Variants in THSD4 observed in about 807,000 individuals in gnomAD.
THSD4 encodes the protein thrombospondin type 1 domain containing 4.
THSD4 carries 69 observed loss-of-function variants against 119.0 expected under a neutral mutation model. The observed-to-expected ratio is 0.58, with a 90% CI of 0.48 to 0.71. The LOEUF is 0.71. Among genes scored for constraint, THSD4 ranks in the 30% least tolerant of loss-of-function variants. The pLI is 0.00. For missense variants in THSD4, 1,393 were observed against 1,391.1 expected (o/e 1.00, Z -0.02); for synonymous variants, 524 against 540.4 (o/e 0.97, Z 0.42).
chr15:71,305,623 T>C (rs776311244), intron 6 of THSD4, among the ~76,000 whole-genome samples: 3 of 152,158 alleles, frequency 2.0e-5, no homozygotes, highest in Non-Finnish European at 4.4e-5. Flanking sequence ...ATAAATGAGA[T>C]TGTTATTGTA....
Position 71,288,020 on chromosome 15 carries a change from A to G in THSD4, c.1015+31305A>G, listed in dbSNP as rs770023895. Among the ~76,000 whole-genome samples, 10 of 152,322 alleles carry G rather than the reference A, an allele frequency of 6.6e-5. No individual in the cohort carries two copies. The South Asian group carries it at 1.0e-3, about 16-fold the overall frequency. ...CGCGCAACATGCCCTGTAAATATAG[A>G]TAGGCCACCTACAAAGTGCACTGGG... On this transcript the variant is annotated intron_variant, in intron 6 of 17. Coordinates refer to ENST00000261862, the MANE Select transcript of THSD4 (RefSeq NM_024817.3).
At chr15:71,777,004 A>C (rs935595980) in intron 17 of THSD4, among the ~76,000 whole-genome samples, 3 of 152,232 alleles carry the variant, frequency 2.0e-5, no homozygotes, top group Admixed American at 1.3e-4. Context: ...GGAAGTGATC[A>C]GAGAGAAGTG....
At chr15:71,185,195 C>A (rs2043586576) in intron 3 of THSD4, among the ~76,000 whole-genome samples, 1 of 151,728 alleles carries the variant, frequency 6.6e-6, no homozygotes, top group Non-Finnish European at 1.5e-5. Context: ...CAGCTCCATC[C>A]CAGATACAGG....
intron 7 of THSD4, among the ~76,000 whole-genome samples, chr15:71,644,622 A>C (rs1438757908): frequency 6.6e-6 from 1 of 152,178 alleles, no homozygotes; most frequent in African/African-American, 2.4e-5. Flanking sequence ...ATTTTTTAAA[A>C]ACTGGTTCAA....
chr15:71,395,834 G>GA (rs1243338414), intron 6 of THSD4, among the ~76,000 whole-genome samples: 1 of 151,656 alleles, frequency 6.6e-6, no homozygotes, highest in Non-Finnish European at 1.5e-5. Flanking sequence ...TTCTTTTGCT[G>GA]AAGCCATCAA....
intron 3 of THSD4, among the ~76,000 whole-genome samples, chr15:71,175,955 C>G (rs1386919470): frequency 3.8e-4 from 23 of 61,040 alleles, no homozygotes; most frequent in African/African-American, 1.5e-3. Flanking sequence ...TTTGTCACCA[C>G]CAGGCCTGCC....
intron 16 of THSD4, among the ~76,000 whole-genome samples, chr15:71,770,648 C>CT (rs1277464979): frequency 6.6e-5 from 10 of 152,022 alleles, no homozygotes; most frequent in Non-Finnish European, 1.3e-4. Context: ...GAGCAAGACT[C>CT]CATCTCAAAA....
In THSD4 at chr15:71,728,635, T is replaced by A; in HGVS notation, c.1444T>A (p.Phe482Ile). ...AAAATACGAGGGCGGAGGGACCATG[T>A]TCACCTACAAGCGTCCAAATGAGAT... is the stretch of plus-strand genomic sequence containing the variant. The part of the protein sequence containing the change: ...PGKYEGGGTM[F>I]TYKRPNEISS... Residue 482 changes from phenylalanine to isoleucine, a missense_variant, in exon 9 of 18, where the codon TTC (phenylalanine) becomes ATC (isoleucine). By Grantham distance (21) the Phe-to-Ile change is conservative. Transcript: ENST00000261862. The A allele has an allele frequency of 6.2e-7, 1 of 1,614,234 alleles. No homozygotes were observed. The highest frequency in any genetic ancestry group is 8.5e-7 in the Non-Finnish European group (1 of 1,180,048).
At chr15:71,721,183 A>G (rs1214683925) in intron 8 of THSD4, among the ~76,000 whole-genome samples, 2 of 151,872 alleles carry the variant, frequency 1.3e-5, no homozygotes, top group East Asian at 3.9e-4. Context: ...CCTGGCCAAC[A>G]TGGTGAAACC....
At chr15:71,602,828 A>C (rs1056501010) in intron 7 of THSD4, among the ~76,000 whole-genome samples, 4 of 152,216 alleles carry the variant, frequency 2.6e-5, no homozygotes, top group Non-Finnish European at 5.9e-5. Flanking sequence ...CACTTTGTGA[A>C]TATACTACTG....
intron 7 of THSD4, among the ~76,000 whole-genome samples, chr15:71,596,246 A>G (rs1340029346): frequency 2.0e-5 from 3 of 152,254 alleles, no homozygotes; most frequent in Non-Finnish European, 4.4e-5. Flanking sequence ...GGCCTTCCAC[A>G]AATGACACAG....
chr15:71,340,164 A>G (rs1297809460), intron 6 of THSD4, among the ~76,000 whole-genome samples: 1 of 152,194 alleles, frequency 6.6e-6, no homozygotes, highest in East Asian at 1.9e-4. Flanking sequence ...TTGGCTTTGT[A>G]CTGTGTGTCT....
intron 7 of THSD4, among the ~76,000 whole-genome samples, chr15:71,537,503 C>G: frequency 6.6e-6 from 1 of 152,076 alleles, no homozygotes. Flanking sequence ...CTCTCACAAG[C>G]CAATCTCTCT....
At position 71,328,527 on chromosome 15, in the gene THSD4, G is replaced by A. The variant is rs28710202; in HGVS notation, c.1015+71812G>A. On this transcript the variant is annotated intron_variant, in intron 6 of 17. Transcript: ENST00000261862. ...CAAGCATCCACTATGTTCCAGGTGCGATTCCAGGCTTCAGAGATAGAACAG... is the reference window on the plus strand; with the variant it reads ...CAAGCATCCACTATGTTCCAGGTGCAATTCCAGGCTTCAGAGATAGAACAG... Among the ~76,000 whole-genome samples the A allele has an allele frequency of 8.4e-3, 1,283 of 152,266 alleles. 15 individuals are homozygous for A. Among genetic ancestry groups the A allele is most frequent in the African/African-American group, 0.029 (1,223 of 41,546 alleles).
intron 7 of THSD4, among the ~76,000 whole-genome samples, chr15:71,542,876 CA>C (rs59058386): frequency 2.9e-4 from 40 of 137,820 alleles, no homozygotes; most frequent in Non-Finnish European, 4.7e-4. Context: ...GACTCTGTCT[CA>C]AAAAAAAAAA....
In THSD4 at chr15:71,774,464, G is replaced by A. The variant is rs529571760; in HGVS notation, c.2915-2768G>A. On this transcript the variant is annotated intron_variant, in intron 17 of 17. Coordinates refer to ENST00000261862, the MANE Select transcript of THSD4 (RefSeq NM_024817.3). ...CAATGTTTGTTCATTGTTGGCAACC[G>A]CATGGGGGATAGGTCAAGTGGCAAC... Among the ~76,000 whole-genome samples, 249 of 152,264 alleles carry A rather than the reference G, an allele frequency of 1.6e-3. 1 individual carries two copies. Among genetic ancestry groups the A allele is most frequent in the African/African-American group, 5.7e-3 (235 of 41,534 alleles).
intron 7 of THSD4, among the ~76,000 whole-genome samples, chr15:71,583,614 T>A (rs910801075): frequency 6.6e-6 from 1 of 152,108 alleles, no homozygotes; most frequent in Non-Finnish European, 1.5e-5. Context: ...CCATTTTTGT[T>A]TGTATTAATA....
intron 3 of THSD4, among the ~76,000 whole-genome samples, chr15:71,183,375 C>T (rs958032066): frequency 5.3e-5 from 8 of 151,712 alleles, no homozygotes; most frequent in African/African-American, 1.2e-4. Flanking sequence ...GGGGACACAG[C>T]GAAACCATAG....
intron 7 of THSD4, among the ~76,000 whole-genome samples, chr15:71,629,594 G>GA (rs1381510747): frequency 6.6e-6 from 1 of 152,118 alleles, no homozygotes; most frequent in Admixed American, 6.5e-5. Context: ...CTCAGCTCTA[G>GA]AGGATGTGAC....
Sources: gnomAD v4.1 joint callset for allele counts (sites outside exome capture counted in the v4.1 genomes callset) on GRCh38, gnomAD v4.1.1 for gene constraint, MANE v1.5 for transcripts, NCBI Gene and HGNC (gene_info 2026-07-23, HGNC 2026-07-21) for gene names.